SGCE: variants seen among roughly 807,000 people sequenced by gnomAD.
SGCE encodes epsilon-sarcoglycan.
SGCE carries 26 observed loss-of-function variants against 57.8 expected under a neutral mutation model. The observed-to-expected ratio is 0.45, with a 90% CI of 0.33 to 0.62. The LOEUF (loss-of-function observed/expected upper bound fraction) is 0.62. Ranked by LOEUF, SGCE falls within the 20% of genes least tolerant of loss-of-function variation. SGCE has a pLI of 0.02. For missense variants in SGCE, 468 were observed against 548.6 expected (o/e 0.85, Z 1.47); for synonymous variants, 183 against 189.5 (o/e 0.97, Z 0.28).
chr7:94,624,325 G>T (rs1803358358), intron 3 of SGCE: 2 of 397,454 alleles, frequency 5.0e-6, no homozygotes, highest in Non-Finnish European at 8.9e-6. Context: ...AAATATCAAA[G>T]ATTTTTATAC....
intron 1 of SGCE, among the ~76,000 whole-genome samples, chr7:94,638,844 A>G (rs1460869210): frequency 1.3e-5 from 2 of 152,208 alleles, no homozygotes; most frequent in Non-Finnish European, 2.9e-5. Context: ...AGGTCAAGTC[A>G]TCTTTCCAAT....
At position 94,598,811 on chromosome 7, in the gene SGCE, T is replaced by C. The variant is rs148660601; in HGVS notation, c.1217A>G (p.Tyr406Cys). 1.9e-6 allele frequency: 3 copies of C among 1,613,448 alleles called. No individual in the cohort carries two copies. The highest frequency in any genetic ancestry group is 3.3e-5 in the Admixed American group (2 of 59,990). ...EIIPPLHTDN[Y>C]DSTNMPLMQT... ...CATCAATGGCATGTTTGTGCTATCA[T>C]AGTTGTCTGTGTGTAAAGGAGGTAT... The change falls in exon 9 of 11, where the codon TAT becomes TGT. Residue 406 changes from tyrosine (Y) to cysteine (C), a missense_variant. Tyr to Cys is a radical substitution (Grantham distance 194). Coordinates refer to ENST00000648936, the MANE Select transcript of SGCE (RefSeq NM_003919.3).
At chr7:94,595,339 A>G (rs2116635861) in intron 9 of SGCE, among the ~76,000 whole-genome samples, 1 of 152,284 alleles carries the variant, frequency 6.6e-6, no homozygotes, top group East Asian at 1.9e-4. Flanking sequence ...AGCTTTGAAT[A>G]TTCTTGAGTC....
At chr7:94,613,815 A>T (rs1203016575) in intron 5 of SGCE, among the ~76,000 whole-genome samples, 1 of 152,172 alleles carries the variant, frequency 6.6e-6, no homozygotes, top group African/African-American at 2.4e-5. Flanking sequence ...TATATGTTAC[A>T]TGTTGCCTGG....
rs900444440 is a variant in SGCE at position 94,586,758 on chromosome 7, T to G, written c.1298-1243A>C. 15 of 845,936 alleles carry G rather than the reference T, an allele frequency of 1.8e-5. No individual in the cohort carries two copies. In the East Asian group the frequency reaches 7.4e-4, roughly 42 times the overall value. The allele number at this position is 845,936 out of a possible 1,614,324, so 52.4% of individuals were successfully genotyped here. ...CTCAGGTGATCCGCCTGCCTTGGCC[T>G]CCCAAAGTGCTGGGATTACAGGTGT... On this transcript the variant is annotated intron_variant, in intron 10 of 10. Transcript: ENST00000648936.
In SGCE at chr7:94,600,721, A is replaced by T; in HGVS notation, c.962T>A (p.Leu321Gln). 1 of 1,613,880 alleles carries T rather than the reference A, an allele frequency of 6.2e-7. No individual in the cohort carries two copies. ...RDYYTDFLIT[L>Q]AVPSAVALVL... ...CAGTGCCACTGCCGAGGGCACAGCCAGTGTAATTAGGAAATCCGTGTAATA... is the reference window on the plus strand; with the variant it reads ...CAGTGCCACTGCCGAGGGCACAGCCTGTGTAATTAGGAAATCCGTGTAATA... Residue 321 changes from leucine to glutamine, a missense_variant, in exon 7 of 11, where the codon CTG becomes CAG. Coordinates refer to ENST00000648936, the MANE Select transcript of SGCE (RefSeq NM_003919.3).
chr7:94,645,133 T>C (rs1231808759), intron 1 of SGCE, among the ~76,000 whole-genome samples: 3 of 152,226 alleles, frequency 2.0e-5, no homozygotes, highest in Admixed American at 2.0e-4. Context: ...GCAAAGTCTA[T>C]GTCATGAACA....
chr7:94,601,306 G>GA (rs986209827), intron 6 of SGCE, among the ~76,000 whole-genome samples: 33 of 145,512 alleles, frequency 2.3e-4, no homozygotes, highest in African/African-American at 4.0e-4. Context: ...AAGAAAAAAG[G>GA]AAAAAAAAAA....
intron 5 of SGCE, among the ~76,000 whole-genome samples, chr7:94,614,364 A>C (rs2116844406): frequency 6.6e-6 from 1 of 152,268 alleles, no homozygotes; most frequent in African/African-American, 2.4e-5. Flanking sequence ...TACAAGTGTG[A>C]TCTCTCTAAA....
intron 9 of SGCE, among the ~76,000 whole-genome samples, chr7:94,596,548 CAA>C (rs1242168446): frequency 6.6e-6 from 1 of 152,100 alleles, no homozygotes; most frequent in African/African-American, 2.4e-5. Context: ...TATGGATTCA[CAA>C]AGTGTATCAA....
chr7:94,591,470 C>T lies in SGCE; in HGVS notation c.1254-2738G>A, dbSNP rs185479634. On this transcript the variant is annotated intron_variant, in intron 9 of 10. Transcript: ENST00000648936. ...AGCAGATTGAATCAACACATTCTGA[C>T]AAAATACAAAAATCAAACAGGATAA... is the stretch of plus-strand genomic sequence containing the variant. Among the ~76,000 whole-genome samples the T allele has an allele frequency of 4.6e-5, 7 of 152,206 alleles. No homozygotes were observed. The East Asian group carries it at 1.3e-3, about 29-fold the overall frequency.
intron 9 of SGCE, chr7:94,597,089 G>A (rs542618340): frequency 6.6e-6 from 1 of 152,034 alleles, no homozygotes; most frequent in South Asian, 2.1e-4. Context: ...TAATAGGTGG[G>A]CTACTGACCA....
chr7:94,641,455 T>G (rs1039641360), intron 1 of SGCE, among the ~76,000 whole-genome samples: 1 of 151,980 alleles, frequency 6.6e-6, no homozygotes, highest in African/African-American at 2.4e-5. Flanking sequence ...TGTATCTAAA[T>G]AGAGGAAAAG....
At chr7:94,602,784 T>C (rs1371423260) in intron 6 of SGCE, among the ~76,000 whole-genome samples, 1 of 152,178 alleles carries the variant, frequency 6.6e-6, no homozygotes, top group Non-Finnish European at 1.5e-5. Context: ...ATATTATGTT[T>C]ATGAATTATG....
intron 1 of SGCE, among the ~76,000 whole-genome samples, chr7:94,654,691 G>A (rs556398653): frequency 6.6e-6 from 1 of 152,080 alleles, no homozygotes; most frequent in African/African-American, 2.4e-5. Flanking sequence ...TCCTAGAAAG[G>A]CTCTCTTTTA....
intron 9 of SGCE, among the ~76,000 whole-genome samples, chr7:94,593,214 A>G (rs1797937702): frequency 6.6e-6 from 1 of 152,102 alleles, no homozygotes; most frequent in Non-Finnish European, 1.5e-5. Context: ...TTAATTTTCA[A>G]AAGATTAAGT....
chr7:94,623,207 T>G (rs762161191), intron 4 of SGCE, 118 bp downstream of exon 4: 2 of 604,256 alleles, frequency 3.3e-6, no homozygotes, highest in Non-Finnish European at 5.8e-6. Context: ...TCTTATTATT[T>G]CATCAGTTAT....
chr7:94,616,441 T>C (rs902180926), intron 5 of SGCE, among the ~76,000 whole-genome samples: 1 of 152,220 alleles, frequency 6.6e-6, no homozygotes, highest in Non-Finnish European at 1.5e-5. Context: ...TGTATGAATA[T>C]ATTTTTAAAC....
chr7:94,653,975 T>A (rs1808238381), intron 1 of SGCE, among the ~76,000 whole-genome samples: 1 of 152,092 alleles, frequency 6.6e-6, no homozygotes, highest in East Asian at 1.9e-4. Flanking sequence ...ATTAATTTGA[T>A]CTTGTTTTTA....
Sources: gnomAD v4.1 joint callset for allele counts (sites outside exome capture counted in the v4.1 genomes callset) on GRCh38, gnomAD v4.1.1 for gene constraint, MANE v1.5 for transcripts, NCBI Gene and HGNC (gene_info 2026-07-23, HGNC 2026-07-21) for gene names.